FGGY: variants seen among roughly 807,000 people sequenced by gnomAD.
FGGY encodes FGGY carbohydrate kinase domain containing, also known as FGGY carbohydrate kinase domain-containing protein.
FGGY carries 72 observed loss-of-function variants against 71.3 expected under a neutral mutation model. That is an observed-to-expected ratio of 1.01 (90% CI 0.84 to 1.23). The LOEUF (loss-of-function observed/expected upper bound fraction) is 1.23. Ranked by LOEUF, FGGY falls within the 50% of genes most tolerant of loss-of-function variation. The pLI, the probability that FGGY is intolerant of heterozygous loss-of-function variation, is 0.00. For missense variants in FGGY, 668 were observed against 682.3 expected, an observed-to-expected ratio of 0.98 and a Z score of 0.23; for synonymous variants, 251 against 250.3, an observed-to-expected ratio of 1.00 and a Z score of -0.02.
Position 59,560,650 on chromosome 1 carries a change from C to T in FGGY, c.903+6423C>T, listed in dbSNP as rs187425351. On this transcript the variant is annotated intron_variant, in intron 8 of 15. Coordinates refer to ENST00000303721, the MANE Select transcript of FGGY (RefSeq NM_018291.5). The stretch of plus-strand genomic sequence containing the variant: ...AAGAAAACTTTTTTTTTTAATTTAC[C>T]TGGCTAAGTGCTAAAAGTCTTCATA... Among the ~76,000 whole-genome samples the T allele has an allele frequency of 5.1e-4, 77 of 151,162 alleles. 2 individuals carry two copies. In the East Asian group the frequency reaches 0.01, roughly 20 times the overall value.
intron 14 of FGGY, among the ~76,000 whole-genome samples, chr1:59,705,596 G>C (rs1461380480): frequency 3.3e-5 from 5 of 152,172 alleles, no homozygotes; most frequent in African/African-American, 1.2e-4. Context: ...GATGCTGCAA[G>C]AAGCTGGATA....
At chr1:59,424,539 C>T (rs2066010210) in intron 5 of FGGY, among the ~76,000 whole-genome samples, 1 of 152,050 alleles carries the variant, frequency 6.6e-6, no homozygotes, top group African/African-American at 2.4e-5. Context: ...GAGTGAGACT[C>T]TGTCTCTTAA....
At chr1:59,731,141 C>T (rs762548004) in intron 14 of FGGY, among the ~76,000 whole-genome samples, 5 of 152,218 alleles carry the variant, frequency 3.3e-5, no homozygotes, top group Non-Finnish European at 7.3e-5. Context: ...GATACCCATG[C>T]TCTTTTGAAT....
Position 59,577,524 on chromosome 1 carries a change from A to G in FGGY, c.903+23297A>G, listed in dbSNP as rs541027441. 2.6e-5 allele frequency among the ~76,000 whole-genome samples: 4 copies of G among 151,956 alleles called. No homozygotes were observed. In the East Asian group the frequency reaches 5.8e-4, roughly 22 times the overall value. The stretch of plus-strand genomic sequence containing the variant: ...TATTACTTGGAGAGAGGGGTTGGGT[A>G]TAGTGGTAAACTTAAAGTTTACCTG... On this transcript the variant is annotated intron_variant, in intron 8 of 15. Transcript: ENST00000303721.
chr1:59,732,316 C>T (rs2098042744), intron 14 of FGGY, among the ~76,000 whole-genome samples: 1 of 152,182 alleles, frequency 6.6e-6, no homozygotes, highest in Non-Finnish European at 1.5e-5. Flanking sequence ...CTTTTGGCTA[C>T]AGCTAAAATT....
At chr1:59,471,886 G>A (rs944610233) in intron 6 of FGGY, among the ~76,000 whole-genome samples, 1 of 152,250 alleles carries the variant, frequency 6.6e-6, no homozygotes, top group African/African-American at 2.4e-5. Flanking sequence ...GGCACTGGTG[G>A]TGGTATCAAG....
intron 8 of FGGY, among the ~76,000 whole-genome samples, chr1:59,607,379 A>C (rs1238162733): frequency 6.6e-6 from 1 of 152,216 alleles, no homozygotes; most frequent in Non-Finnish European, 1.5e-5. Context: ...ACCCAGTGTC[A>C]CATCTGCCTC....
chr1:59,401,088 A>C (rs2061906108), intron 5 of FGGY, among the ~76,000 whole-genome samples: 1 of 152,168 alleles, frequency 6.6e-6, no homozygotes, highest in African/African-American at 2.4e-5. Context: ...AAAAATATAC[A>C]ATGTTCTTCG....
At chr1:59,593,311 T>A (rs2096480004) in intron 8 of FGGY, among the ~76,000 whole-genome samples, 1 of 152,250 alleles carries the variant, frequency 6.6e-6, no homozygotes, top group East Asian at 1.9e-4. Flanking sequence ...ATGGGGATCA[T>A]CTTCCCATCG....
Position 59,660,246 on chromosome 1 carries a change from C to A in FGGY, c.1249C>A (p.Leu417Ile), listed in dbSNP as rs1247932138. Residue 417 changes from leucine to isoleucine, a missense_variant, in exon 12 of 16, where the codon CTT (leucine) becomes ATT (isoleucine). Physicochemically the swap from Leu to Ile is conservative, Grantham distance 5. Around this residue, in one of 2 missense-constraint regions of FGGY, gnomAD observed 661 missense variants for 661.6 expected, o/e 1.00. Coordinates refer to ENST00000303721, the MANE Select transcript of FGGY (RefSeq NM_018291.5). ...CACCGGATTGAAACTGTCTCAGGAC[C>A]TTGATGATCTTGCCATTCTCTACCT... The part of the protein sequence containing the change: ...MVTGLKLSQD[L>I]DDLAILYLAT... 6.2e-7 allele frequency: 1 copy of A among 1,613,396 alleles called. No homozygotes were observed. The highest frequency in any genetic ancestry group is 1.3e-5 in the African/African-American group (1 of 74,906).
At chr1:59,343,171 T>A (rs6671044) in intron 3 of FGGY, among the ~76,000 whole-genome samples, 61,890 of 151,996 alleles carry the variant, frequency 0.41, 13,111 homozygotes, top group African/African-American at 0.51. Flanking sequence ...ATTCATAATA[T>A]TTTTTCCCCT....
intron 9 of FGGY, among the ~76,000 whole-genome samples, chr1:59,622,016 C>G (rs560342055): frequency 6.6e-6 from 1 of 151,986 alleles, no homozygotes; most frequent in South Asian, 2.1e-4. Context: ...CATATTCTCT[C>G]TCTCTCTTTC....
intron 5 of FGGY, among the ~76,000 whole-genome samples, chr1:59,449,588 G>A (rs1458526850): frequency 6.6e-6 from 1 of 152,110 alleles, no homozygotes; most frequent in Non-Finnish European, 1.5e-5. Flanking sequence ...CAGCCTGCAT[G>A]CCATATTTTT....
intron 14 of FGGY, among the ~76,000 whole-genome samples, chr1:59,739,661 G>A (rs538304319): frequency 9.9e-5 from 15 of 152,274 alleles, no homozygotes; most frequent in Admixed American, 3.3e-4. Flanking sequence ...AATGTACGTG[G>A]AAGGGCTGTT....
chr1:59,551,059 C>T (rs1385634391), intron 7 of FGGY, among the ~76,000 whole-genome samples: 1 of 152,132 alleles, frequency 6.6e-6, no homozygotes, highest in Admixed American at 6.5e-5. Flanking sequence ...AAGGAAGAAT[C>T]CAGTTGTCTC....
rs1203537575 is a variant in FGGY, at chr1:59,519,148, G to A, written c.799+6709G>A. 2.0e-5 allele frequency among the ~76,000 whole-genome samples: 3 copies of A among 152,222 alleles called. No homozygotes were observed. The East Asian group carries it at 5.8e-4, about 29-fold the overall frequency. ...CTACACAGTTAAATGAGAGATGCGT[G>A]ACTTAAGCCCATGCTTTGTGCACAC... On this transcript the variant is annotated intron_variant, in intron 7 of 15. Transcript: ENST00000303721.
Position 59,346,410 on chromosome 1 carries a change from G to T in FGGY, c.465+12G>T, listed in dbSNP as rs758872758. ...TGTGGCTGAAAGAGGTGAGTGCATA[G>T]GGTCTAAGAGAAGATACCAACAATA... is the stretch of plus-strand genomic sequence containing the variant. On this transcript the variant is annotated intron_variant, in intron 4 of 15. Coordinates refer to ENST00000303721, the MANE Select transcript of FGGY (RefSeq NM_018291.5). 6.2e-7 allele frequency: 1 copy of T among 1,610,826 alleles called. No homozygotes were observed. The highest frequency in any genetic ancestry group is 1.7e-5 in the Admixed American group (1 of 59,926).
chr1:59,520,252 T>C (rs965938272), intron 7 of FGGY, among the ~76,000 whole-genome samples: 2 of 152,242 alleles, frequency 1.3e-5, no homozygotes, highest in African/African-American at 4.8e-5. Context: ...GAAATGTGTT[T>C]TGTGAAATTG....
intron 2 of FGGY, among the ~76,000 whole-genome samples, chr1:59,336,559 G>A (rs982326905): frequency 1.8e-4 from 27 of 149,086 alleles, no homozygotes; most frequent in African/African-American, 6.7e-4. Flanking sequence ...CATGTGCCAT[G>A]GTGGTTTGTT....
Sources: allele counts gnomAD v4.1 joint callset (sites outside exome capture counted in the v4.1 genomes callset), GRCh38; gene constraint gnomAD v4.1.1; regional missense constraint gnomAD v4.1.1; transcripts MANE v1.5; gene names NCBI Gene and HGNC (gene_info 2026-07-23, HGNC 2026-07-21).